CTXND2: variants seen among roughly 807,000 people sequenced by gnomAD.
CTXND2 encodes the protein cortexin domain containing 2.
intron 1 of CTXND2, among the ~76,000 whole-genome samples, chr1:150,909,580 A>T (rs1669213345): frequency 6.6e-6 from 1 of 152,134 alleles, no homozygotes; most frequent in Non-Finnish European, 1.5e-5. Flanking sequence ...TTAAATTTTG[A>T]TGAAGTCCAG....
chr1:150,900,091 C>G (rs193009340), intron 1 of CTXND2, among the ~76,000 whole-genome samples: 1 of 152,098 alleles, frequency 6.6e-6, no homozygotes, highest in Non-Finnish European at 1.5e-5. Context: ...CAGCAGCAAC[C>G]CGTTCGGGTC....
At position 150,902,274 on chromosome 1, in the gene CTXND2, G is replaced by A. The variant is rs187975880; in HGVS notation, c.-73-9968G>A. Among the ~76,000 whole-genome samples, 255 of 152,154 alleles carry A rather than the reference G, an allele frequency of 1.7e-3. 1 individual carries two copies. Among genetic ancestry groups the A allele is most frequent in the Non-Finnish European group, 2.6e-3 (175 of 68,014 alleles). On this transcript the variant is annotated intron_variant, in intron 1 of 1. Transcript: ENST00000636087. ...TAAAAAACATTAGCCAGGCGTGGTG[G>A]TGGGTGCCTGTAGTCCCAGCTACTC...
intron 1 of CTXND2, among the ~76,000 whole-genome samples, chr1:150,894,876 AAAT>A (rs1009484609): frequency 6.6e-6 from 1 of 151,996 alleles, no homozygotes; most frequent in African/African-American, 2.4e-5. Context: ...CCTCTACTAA[AAAT>A]AAAAAATTAG....
At chr1:150,894,173 T>G (rs960207747) in intron 1 of CTXND2, among the ~76,000 whole-genome samples, 3 of 152,146 alleles carry the variant, frequency 2.0e-5, no homozygotes, top group African/African-American at 7.2e-5. Flanking sequence ...TCATGTAAAC[T>G]ACCCTTGCAT....
intron 1 of CTXND2, among the ~76,000 whole-genome samples, chr1:150,904,478 TA>T (rs1001416829): frequency 3.3e-5 from 5 of 152,348 alleles, no homozygotes; most frequent in African/African-American, 1.2e-4. Flanking sequence ...TTAGTAATGT[TA>T]AACTTTTCAC....
At chr1:150,904,694 A>G (rs78189536) in intron 1 of CTXND2, among the ~76,000 whole-genome samples, 1 of 152,220 alleles carries the variant, frequency 6.6e-6, no homozygotes. Flanking sequence ...TTTTGGCCTT[A>G]ACTATGCCAA....
intron 1 of CTXND2, among the ~76,000 whole-genome samples, chr1:150,909,291 C>A (rs1669207859): frequency 6.9e-6 from 1 of 145,372 alleles, no homozygotes; most frequent in Non-Finnish European, 1.5e-5. Context: ...GTAGCTCATA[C>A]AATCCTAACA....
intron 1 of CTXND2, among the ~76,000 whole-genome samples, chr1:150,899,352 T>A (rs1668962680): frequency 6.6e-6 from 1 of 151,220 alleles, no homozygotes; most frequent in Non-Finnish European, 1.5e-5. Flanking sequence ...AGAGGATCAC[T>A]TGTGCCCAGG....
chr1:150,901,629 T>G (rs1669033630), intron 1 of CTXND2, among the ~76,000 whole-genome samples: 2 of 152,138 alleles, frequency 1.3e-5, no homozygotes, highest in South Asian at 4.2e-4. Flanking sequence ...GAACATTCAA[T>G]GGGGCTGGGA....
At chr1:150,888,447 C>T (rs750366416) in intron 1 of CTXND2, among the ~76,000 whole-genome samples, 3 of 151,670 alleles carry the variant, frequency 2.0e-5, no homozygotes, top group South Asian at 2.1e-4. Flanking sequence ...AACTCCTGAC[C>T]GAAGGTGATC....
At chr1:150,910,155 G>C (rs1669226743) in intron 1 of CTXND2, among the ~76,000 whole-genome samples, 1 of 142,368 alleles carries the variant, frequency 7.0e-6, no homozygotes, top group South Asian at 2.2e-4. Flanking sequence ...TTTTGAGACG[G>C]GTCTCCATCT....
At chr1:150,913,211 C>T (rs1196610720) in exon 2 of CTXND2, 8 of 152,140 alleles carry the variant, frequency 5.3e-5, no homozygotes, top group Non-Finnish European at 8.8e-5. Flanking sequence ...TCTGGTACCC[C>T]AGTATGGTCT....
At chr1:150,894,260 A>C (rs1193948312) in intron 1 of CTXND2, among the ~76,000 whole-genome samples, 1 of 152,200 alleles carries the variant, frequency 6.6e-6, no homozygotes, top group Non-Finnish European at 1.5e-5. Context: ...TAGTTATTTA[A>C]AACAGAAGTA....
At chr1:150,912,202 C>T in intron 1 of CTXND2, 40 bp from the exon 2 acceptor site, 1 of 397,294 alleles carries the variant, frequency 2.5e-6, no homozygotes, top group Non-Finnish European at 4.4e-6. Flanking sequence ...AACACATACA[C>T]ACACAAACCG....
At chr1:150,907,273 G>A (rs1669165727) in intron 1 of CTXND2, among the ~76,000 whole-genome samples, 2 of 152,124 alleles carry the variant, frequency 1.3e-5, no homozygotes, top group African/African-American at 4.8e-5. Context: ...CATTACCACA[G>A]TTGTAGAACA....
At chr1:150,911,418 T>C (rs587771952) in intron 1 of CTXND2, among the ~76,000 whole-genome samples, 4 of 152,066 alleles carry the variant, frequency 2.6e-5, no homozygotes, top group East Asian at 3.9e-4. Context: ...GGTTTTTTTT[T>C]CCTGTTTTCC....
intron 1 of CTXND2, among the ~76,000 whole-genome samples, chr1:150,911,056 G>A (rs1669247471): frequency 1.3e-5 from 2 of 151,796 alleles, no homozygotes; most frequent in South Asian, 4.2e-4. Context: ...CGCCTGCCTC[G>A]GCCTCCCAAA....
chr1:150,902,820 A>G (rs906792448), intron 1 of CTXND2, among the ~76,000 whole-genome samples: 4 of 152,140 alleles, frequency 2.6e-5, no homozygotes, highest in Non-Finnish European at 4.4e-5. Context: ...CAGGGAACAT[A>G]TATCAAGCTT....
chr1:150,904,016 A>G (rs1222374480), intron 1 of CTXND2: 3 of 653,106 alleles, frequency 4.6e-6, no homozygotes, highest in Non-Finnish European at 5.8e-6. Flanking sequence ...CAGTCAGAAG[A>G]CAGGTCAGGC....
Sources: allele counts gnomAD v4.1 joint callset (sites outside exome capture counted in the v4.1 genomes callset), GRCh38; gene constraint gnomAD v4.1.1; transcripts MANE v1.5; gene names NCBI Gene and HGNC (gene_info 2026-07-23, HGNC 2026-07-21).